Variants in ZNF451 observed in about 807,000 individuals in gnomAD.
The protein encoded by ZNF451 is E3 SUMO-protein ligase ZNF451.
Under a neutral mutation model 107.1 loss-of-function variants are expected in ZNF451, and 80 were observed. The ratio of observed to expected loss-of-function variants is 0.75; its 90% CI spans 0.62 to 0.90. ZNF451 has a LOEUF of 0.90. ZNF451 is among the 40% of genes least tolerant of loss of function. The pLI, the probability that ZNF451 is intolerant of heterozygous loss-of-function variation, is 0.00. For missense variants in ZNF451, 1,107 were observed against 1,236.2 expected, an observed-to-expected ratio of 0.90 and a Z score of 1.57; for synonymous variants, 362 against 406.5, an observed-to-expected ratio of 0.89 and a Z score of 1.32.
chr6:57,102,092 A>G, intron 3 of ZNF451: 2 of 1,501,710 alleles, frequency 1.3e-6, no homozygotes, highest in Non-Finnish European at 1.8e-6. Context: ...GGGTACAAGA[A>G]TTAATAACCT....
chr6:57,151,660 T>C (rs1832357073), intron 11 of ZNF451, among the ~76,000 whole-genome samples: 2 of 152,258 alleles, frequency 1.3e-5, no homozygotes, highest in East Asian at 3.8e-4. Context: ...GGTTCATCCT[T>C]GCTGTTCTTA....
chr6:57,100,668 T>C lies in ZNF451; in HGVS notation c.186+1527T>C. Reference sequence around the variant, plus strand: ...GCCCAGAAATGTGCTCTAGCTGCAATGTTCCTCTTCCCATTGGAGATAGCA... The same window carrying C: ...GCCCAGAAATGTGCTCTAGCTGCAACGTTCCTCTTCCCATTGGAGATAGCA... On this transcript the variant is annotated intron_variant, in intron 3 of 14. Transcript: ENST00000370706. The C allele has an allele frequency of 3.9e-6, 6 of 1,549,698 alleles. No individual in the cohort carries two copies. The South Asian group carries it at 6.0e-5, about 15-fold the overall frequency.
intron 3 of ZNF451, chr6:57,108,682 A>G (rs1829982285): frequency 1.0e-6 from 1 of 985,342 alleles, no homozygotes; most frequent in Non-Finnish European, 1.2e-6. Context: ...CAGCTTCTAT[A>G]TATTCTGACA....
intron 3 of ZNF451, chr6:57,108,238 A>G (rs903871636): frequency 7.9e-5 from 78 of 985,272 alleles, no homozygotes; most frequent in East Asian, 1.1e-4. Flanking sequence ...TTCATATGCT[A>G]TCTTTGCTCC....
intron 5 of ZNF451, 101 bp downstream of exon 5, chr6:57,128,941 TA>T: frequency 1.3e-6 from 1 of 791,562 alleles, no homozygotes; most frequent in Non-Finnish European, 2.0e-6. Flanking sequence ...TATAAGATAT[TA>T]AATTTTGTTT....
intron 8 of ZNF451, 150 bp from the exon 9 acceptor site, chr6:57,141,798 C>A: frequency 1.5e-6 from 1 of 673,602 alleles, no homozygotes; most frequent in Non-Finnish European, 2.4e-6. Context: ...GTATTTAAGG[C>A]TAGAAAGTGG....
chr6:57,147,350 C>G lies in ZNF451; in HGVS notation c.1265C>G (p.Ser422Ter). ...SSDLHLLLDQ[S>*]KFSSLKRTMS... Reference sequence around the variant, plus strand: ...GACTTGCATTTATTGTTGGATCAATCAAAATTTTCATCACTTAAAAGAACC... The same window carrying G: ...GACTTGCATTTATTGTTGGATCAATGAAAATTTTCATCACTTAAAAGAACC... The change falls in exon 10 of 15, where the codon TCA (serine) becomes TGA (stop). Residue 422 changes from serine to a stop codon, truncating the protein, a stop_gained. Coordinates refer to ENST00000370706, the MANE Select transcript of ZNF451 (RefSeq NM_001031623.3). LOFTEE classifies it high-confidence loss of function. 5.6e-6 allele frequency: 9 copies of G among 1,614,032 alleles called. No individual in the cohort carries two copies. Among genetic ancestry groups the G allele is most frequent in the Non-Finnish European group, 7.6e-6 (9 of 1,179,954 alleles).
intron 2 of ZNF451, among the ~76,000 whole-genome samples, chr6:57,096,472 C>T (rs1054574634): frequency 2.0e-5 from 3 of 151,878 alleles, no homozygotes; most frequent in African/African-American, 4.8e-5. Context: ...AGGCATGAGC[C>T]ACCGTGCCCA....
intron 3 of ZNF451, among the ~76,000 whole-genome samples, chr6:57,119,993 A>G (rs1362124903): frequency 6.6e-6 from 1 of 152,106 alleles, no homozygotes; most frequent in Non-Finnish European, 1.5e-5. Context: ...CTAGGCTTTG[A>G]CAAATGTGTA....
intron 7 of ZNF451, 104 bp downstream of exon 7, chr6:57,134,974 A>T: frequency 4.5e-6 from 4 of 898,746 alleles, no homozygotes; most frequent in Non-Finnish European, 6.6e-6. Context: ...CCAGTGATAC[A>T]CATAAGTATC....
At chr6:57,097,320 G>T (rs969086299) in intron 2 of ZNF451, among the ~76,000 whole-genome samples, 1 of 152,194 alleles carries the variant, frequency 6.6e-6, no homozygotes, top group African/African-American at 2.4e-5. Context: ...GGAGAAAGAA[G>T]CTATCTTTGA....
chr6:57,136,087 A>G (rs1831412193), intron 7 of ZNF451, among the ~76,000 whole-genome samples: 2 of 152,100 alleles, frequency 1.3e-5, no homozygotes, highest in South Asian at 4.1e-4. Flanking sequence ...CTTGAAGCAG[A>G]TTTTATTTTA....
chr6:57,094,046 G>A (rs1214680728), intron 2 of ZNF451, among the ~76,000 whole-genome samples: 1 of 152,178 alleles, frequency 6.6e-6, no homozygotes, highest in African/African-American at 2.4e-5. Context: ...TTTGGTTGTA[G>A]TAAACTACCT....
Position 57,102,893 on chromosome 6 carries a change from T to G in ZNF451, c.186+3752T>G, listed in dbSNP as rs547192569. 3.0e-6 allele frequency: 3 copies of G among 985,454 alleles called. No individual in the cohort carries two copies. In the South Asian group the frequency reaches 1.4e-4, roughly 46 times the overall value. 61.0% of individuals were successfully genotyped at this position (985,454 alleles called of 1,614,324 possible). ...ATAAAGCTACATGTGAGAGAATTGT[T>G]TGTTGTTATCAATCCTAATAGTCTT... On this transcript the variant is annotated intron_variant, in intron 3 of 14. Transcript: ENST00000370706.
chr6:57,104,304 A>G (rs753680886), intron 3 of ZNF451: 31 of 985,240 alleles, frequency 3.1e-5, no homozygotes, highest in African/African-American at 3.5e-5. Context: ...CTGTAGTTTT[A>G]TCTTAGAGGA....
At chr6:57,110,834 C>T (rs1264046748) in intron 3 of ZNF451, among the ~76,000 whole-genome samples, 5 of 152,004 alleles carry the variant, frequency 3.3e-5, no homozygotes, top group East Asian at 1.9e-4. Flanking sequence ...TCCAGCAGCT[C>T]CAACACATTT....
chr6:57,092,073 C>T (rs945592127), intron 2 of ZNF451, among the ~76,000 whole-genome samples: 1 of 152,090 alleles, frequency 6.6e-6, no homozygotes, highest in Non-Finnish European at 1.5e-5. Context: ...TGTTTAATAA[C>T]AGGTTTCCAT....
In ZNF451 at chr6:57,106,750, A is replaced by G. The variant is rs544538587; in HGVS notation, c.186+7609A>G. 48 of 984,386 alleles carry G rather than the reference A, an allele frequency of 4.9e-5. No individual in the cohort carries two copies. The African/African-American group carries it at 7.2e-4, about 15-fold the overall frequency. The allele number at this position is 984,386 out of a possible 1,614,324, so 61.0% of individuals were successfully genotyped here. ...ATAATTGATTGTCTCATCTGTATGC[A>G]TCTTATGCATGTGATTCAATAGACT... On this transcript the variant is annotated intron_variant, in intron 3 of 14. Coordinates refer to ENST00000370706, the MANE Select transcript of ZNF451 (RefSeq NM_001031623.3).
rs776826917 is a variant in ZNF451, at chr6:57,152,267, C to T, written c.2799C>T (p.Asn933=). 1.9e-6 allele frequency: 3 copies of T among 1,613,856 alleles called. No individual in the cohort carries two copies. Among genetic ancestry groups the T allele is most frequent in the Non-Finnish European group, 2.5e-6 (3 of 1,179,876 alleles). The part of the protein sequence containing the change: ...WKPPLNCKIY[N]YLNRIGCFFL... ...CTCCGCTCAACTGTAAGATTTATAA[C>T]TACCTGAACAGGATTGGATGCTTCT... is the stretch of plus-strand genomic sequence containing the variant. The change falls in exon 12 of 15, where the codon AAC becomes AAT. Residue 933 remains asparagine, a synonymous_variant. Coordinates refer to ENST00000370706, the MANE Select transcript of ZNF451 (RefSeq NM_001031623.3).
Sources: allele counts gnomAD v4.1 joint callset (sites outside exome capture counted in the v4.1 genomes callset), GRCh38; gene constraint gnomAD v4.1.1; transcripts MANE v1.5; gene names NCBI Gene and HGNC (gene_info 2026-07-23, HGNC 2026-07-21).